Variants in ARMCX4 observed in about 807,000 individuals in gnomAD.
ARMCX4 encodes the protein armadillo repeat-containing X-linked protein 4.
A neutral mutation model predicts 34.7 loss-of-function variants in ARMCX4; 3 were observed. The ratio of observed to expected loss-of-function variants is 0.09; its 90% CI spans 0.04 to 0.22. The LOEUF (loss-of-function observed/expected upper bound fraction) is 0.22, where lower values mean the gene tolerates loss of function less well. Ranked by LOEUF, ARMCX4 falls within the 10% of genes least tolerant of loss-of-function variation. The pLI, the probability that ARMCX4 is intolerant of heterozygous loss-of-function variation, is 1.00. For synonymous variants in ARMCX4, 513 were observed against 632.8 expected (o/e 0.81, Z 2.84); for missense variants, 1,448 against 1,720.8 (o/e 0.84, Z 2.81).
At chrX:101,469,653 A>G (rs1932855966) in intron 4 of ARMCX4, among the ~76,000 whole-genome samples, 1 of 111,862 alleles carries the variant, frequency 8.9e-6, no homozygotes, top group African/African-American at 3.3e-5. Flanking sequence ...ATCCCATGTT[A>G]CCACCACACA....
chrX:101,497,195 G>C (rs1556012073), downstream of ARMCX4, among the ~76,000 whole-genome samples: 1 of 111,116 alleles, frequency 9.0e-6, no homozygotes, highest in East Asian at 2.8e-4. Context: ...TTTTCTGTGG[G>C]TGTTAGACTG....
chrX:101,523,719 A>T (rs1285102192), intron 11 of ARMCX4, among the ~76,000 whole-genome samples: 1 of 111,584 alleles, frequency 9.0e-6, no homozygotes, highest in Non-Finnish European at 1.9e-5. Flanking sequence ...ATTATCTAAC[A>T]TGTCCAGCTT....
At chrX:101,482,890 C>CTTT (rs36075508), upstream of ARMCX4, among the ~76,000 whole-genome samples, 85 of 54,737 alleles carry the variant, frequency 1.6e-3, no homozygotes, top group Non-Finnish European at 1.7e-3. Context: ...TTGCGTCAGG[C>CTTT]TTTTTTTTTT....
chrX:101,425,683 C>G (rs1603073162), intron 2 of ARMCX4, among the ~76,000 whole-genome samples: 1 of 111,055 alleles, frequency 9.0e-6, no homozygotes, highest in Admixed American at 9.7e-5. Context: ...GTGTGAGGTA[C>G]TGCGCCCAGC....
intron 4 of ARMCX4, among the ~76,000 whole-genome samples, chrX:101,462,657 A>G (rs1203487955): frequency 1.9e-5 from 2 of 108,047 alleles, no homozygotes; most frequent in African/African-American, 6.7e-5. Context: ...AAAAAAAAAG[A>G]TAAAAATTTG....
rs1310475516 is a variant in ARMCX4, at chrX:101,489,640, G to A, written c.1051G>A (p.Gly351Arg). The A allele has an allele frequency of 8.7e-7, 1 of 1,153,069 alleles. No homozygotes were observed. Among genetic ancestry groups the A allele is most frequent in the African/African-American group, 1.8e-5 (1 of 55,610 alleles). The change falls in exon 6 of 6, where the codon GGG (glycine) becomes AGG (arginine). Residue 351 changes from glycine (G) to arginine (R), a missense_variant. By Grantham distance (125) the Gly-to-Arg change is moderately radical. This residue lies in a region of ARMCX4 where 1,343 missense variants were observed against 1,540.7 expected (regional missense o/e 0.87). Transcript: ENST00000423738. Reference sequence around the variant, plus strand: ...TAACACCAATGCCATGTGTAAGGTGGGGGCAGGGGCAGATGTGAGAGCTTG... The same window carrying A: ...TAACACCAATGCCATGTGTAAGGTGAGGGCAGGGGCAGATGTGAGAGCTTG... ...GGNTNAMCKV[G>R]AGADVRACIQ...
At position 101,506,513 on chromosome X, in the gene ARMCX4, C is replaced by T. The variant is rs1270843690; in HGVS notation, c.*1596+1158C>T. Among the ~76,000 whole-genome samples the T allele has an allele frequency of 5.4e-5, 6 of 110,208 alleles. No homozygotes were observed. The East Asian group carries it at 1.7e-3, about 32-fold the overall frequency. On this transcript the variant is annotated intron_variant and NMD_transcript_variant, in intron 8 of 12. Transcript: ENST00000354842. ...GTCCTCATGTGGCCTTTCCTTGGTG[C>T]GTTGAGAGAGAGAGAGAAAGAGAGA... is the stretch of plus-strand genomic sequence containing the variant.
At chrX:101,444,683 T>G (rs1555997662) in intron 3 of ARMCX4, among the ~76,000 whole-genome samples, 1 of 112,411 alleles carries the variant, frequency 8.9e-6, no homozygotes. Flanking sequence ...CTCTGTTATC[T>G]GCAGCTTTAT....
intron 2 of ARMCX4, chrX:101,443,821 C>T (rs1162044811): frequency 1.4e-5 from 5 of 349,732 alleles, no homozygotes; most frequent in South Asian, 1.2e-4. Flanking sequence ...ACCACTCAAT[C>T]TTGGCAGTGC....
At chrX:101,483,411 G>A (rs1168041277), upstream of ARMCX4, among the ~76,000 whole-genome samples, 1 of 111,568 alleles carries the variant, frequency 9.0e-6, no homozygotes, top group East Asian at 2.8e-4. Flanking sequence ...ACAGAGTAGA[G>A]GAGTGCCCAT....
downstream of ARMCX4, among the ~76,000 whole-genome samples, chrX:101,451,292 C>T (rs1383439461): frequency 2.7e-5 from 3 of 111,807 alleles, no homozygotes; most frequent in East Asian, 8.4e-4. Context: ...AATGCTCCCT[C>T]TGTGGGCAGG....
chrX:101,423,011 G>A (rs1156787517), intron 2 of ARMCX4, among the ~76,000 whole-genome samples: 1 of 110,576 alleles, frequency 9.0e-6, no homozygotes, highest in African/African-American at 3.3e-5. Flanking sequence ...CTGGGCTCAA[G>A]CGATTCTCCT....
At chrX:101,504,224 G>A (rs369153282) in intron 7 of ARMCX4, among the ~76,000 whole-genome samples, 6 of 111,460 alleles carry the variant, frequency 5.4e-5, no homozygotes, top group Admixed American at 4.8e-4. Context: ...GTAGCCTGAT[G>A]CCTCCAGCTT....
At chrX:101,421,415 T>G (rs1313393810) in intron 2 of ARMCX4, among the ~76,000 whole-genome samples, 1 of 110,889 alleles carries the variant, frequency 9.0e-6, no homozygotes, top group Non-Finnish European at 1.9e-5. Context: ...AGGTAAAATC[T>G]GCAGGACTTG....
intron 2 of ARMCX4, among the ~76,000 whole-genome samples, chrX:101,421,990 A>ATTTATT: frequency 1.2e-5 from 1 of 81,291 alleles, no homozygotes; most frequent in African/African-American, 6.7e-5. Context: ...TTGGGGGATC[A>ATTTATT]GTTATTATTA....
chrX:101,432,940 AT>A (rs1377477771), intron 2 of ARMCX4, among the ~76,000 whole-genome samples: 3 of 99,453 alleles, frequency 3.0e-5, no homozygotes, highest in African/African-American at 1.1e-4. Context: ...ATATACGTGT[AT>A]ATATACACAC....
chrX:101,534,701 A>C (rs186200254), downstream of ARMCX4, among the ~76,000 whole-genome samples: 5 of 111,315 alleles, frequency 4.5e-5, no homozygotes, highest in Admixed American at 9.6e-5. Flanking sequence ...TACAGATTAC[A>C]TTGTGATGAC....
intron 2 of ARMCX4, among the ~76,000 whole-genome samples, chrX:101,424,014 C>A (rs1406220863): frequency 1.8e-5 from 2 of 111,106 alleles, no homozygotes; most frequent in Non-Finnish European, 3.8e-5. Context: ...CAGGCATGCA[C>A]CACCACGCCT....
chrX:101,442,237 G>A (rs1447714437), intron 2 of ARMCX4, among the ~76,000 whole-genome samples: 2 of 112,128 alleles, frequency 1.8e-5, no homozygotes, highest in African/African-American at 6.5e-5. Context: ...TCCAAGATAG[G>A]CCTCGAGAGC....
Sources: gnomAD v4.1 joint callset for allele counts (sites outside exome capture counted in the v4.1 genomes callset) on GRCh38, gnomAD v4.1.1 for gene constraint, gnomAD v4.1.1 regional missense constraint, MANE v1.5 for transcripts, NCBI Gene and HGNC (gene_info 2026-07-23, HGNC 2026-07-21) for gene names.